LPP: variants seen among roughly 807,000 people sequenced by gnomAD.
LPP encodes lipoma-preferred partner.
In LPP, 38 loss-of-function variants were observed where a neutral mutation model predicts 60.4. The observed-to-expected ratio is 0.63, with a 90% confidence interval of 0.49 to 0.83. The LOEUF is 0.83. Ranked by LOEUF, LPP falls within the 40% of genes least tolerant of loss-of-function variation. The probability of loss-of-function intolerance (pLI) is 0.00; values close to 1 mark genes in which losing one functional copy is unlikely to be tolerated. For synonymous variants in LPP, 328 were observed against 290.8 expected, an observed-to-expected ratio of 1.13 and a Z score of -1.30; for missense variants, 902 against 783.6, an observed-to-expected ratio of 1.15 and a Z score of -1.80.
At chr3:188,828,912 G>A (rs115407064) in intron 9 of LPP, among the ~76,000 whole-genome samples, 16 of 152,110 alleles carry the variant, frequency 1.1e-4, no homozygotes, top group African/African-American at 3.1e-4. Flanking sequence ...ATATGTATGC[G>A]TTATGTATAT....
At chr3:188,835,128 G>A (rs1758080521) in intron 9 of LPP, among the ~76,000 whole-genome samples, 1 of 151,976 alleles carries the variant, frequency 6.6e-6, no homozygotes, top group African/African-American at 2.4e-5. Context: ...TCCAGTGTTA[G>A]ATAAAATAAT....
At chr3:188,690,648 G>A (rs1356318216) in intron 7 of LPP, among the ~76,000 whole-genome samples, 2 of 152,140 alleles carry the variant, frequency 1.3e-5, no homozygotes, top group East Asian at 3.9e-4. Context: ...CAAAATCCCT[G>A]TAGTCAGACC....
Position 188,169,434 on chromosome 3 carries a change from A to C in LPP, c.-190+15182A>C, listed in dbSNP as rs1305756265. ...GGACACAGACCAGTGTGAAAGCTGCAAAGTTCAGCTGTAGGAACATGAAGG... is the reference window on the plus strand; with the variant it reads ...GGACACAGACCAGTGTGAAAGCTGCCAAGTTCAGCTGTAGGAACATGAAGG... On this transcript the variant is annotated intron_variant, in intron 1 of 11. Transcript: ENST00000617246. Among the ~76,000 whole-genome samples, 3 of 152,212 alleles carry C rather than the reference A, an allele frequency of 2.0e-5. No individual in the cohort carries two copies. In the East Asian group the frequency reaches 5.8e-4, roughly 29 times the overall value.
intron 2 of LPP, among the ~76,000 whole-genome samples, chr3:188,241,116 C>T (rs750155218): frequency 3.3e-5 from 5 of 152,166 alleles, no homozygotes; most frequent in Non-Finnish European, 7.3e-5. Context: ...TAATGTTCCA[C>T]GTAGTGGCTG....
At chr3:188,597,058 C>G (rs370165262) in intron 6 of LPP, among the ~76,000 whole-genome samples, 1 of 152,080 alleles carries the variant, frequency 6.6e-6, no homozygotes, top group South Asian at 2.1e-4. Flanking sequence ...ATTATTAAGT[C>G]TGAGCATTCT....
intron 3 of LPP, among the ~76,000 whole-genome samples, chr3:188,343,222 G>A (rs1023490384): frequency 9.9e-5 from 15 of 151,976 alleles, no homozygotes; most frequent in African/African-American, 2.9e-4. Context: ...GTGTCCATGT[G>A]TTCTCGTTCA....
intron 3 of LPP, among the ~76,000 whole-genome samples, chr3:188,369,427 T>A (rs1256697130): frequency 6.6e-6 from 1 of 152,044 alleles, no homozygotes. Context: ...CCTGGGGAAA[T>A]CAAACAATCG....
At chr3:188,241,836 A>G (rs1253101584) in intron 2 of LPP, among the ~76,000 whole-genome samples, 1 of 152,180 alleles carries the variant, frequency 6.6e-6, no homozygotes, top group Non-Finnish European at 1.5e-5. Flanking sequence ...TCAAAGAGTA[A>G]TGGTGGGGAG....
intron 3 of LPP, among the ~76,000 whole-genome samples, chr3:188,345,769 G>C (rs867834402): frequency 6.6e-6 from 1 of 152,156 alleles, no homozygotes; most frequent in South Asian, 2.1e-4. Context: ...CAGGTCTGGA[G>C]AAGAGTGTAG....
At chr3:188,800,541 G>A (rs1328806799) in intron 9 of LPP, among the ~76,000 whole-genome samples, 7 of 151,984 alleles carry the variant, frequency 4.6e-5, no homozygotes, top group Non-Finnish European at 4.4e-5. Flanking sequence ...CACCACACCC[G>A]GCCAAAACTT....
At chr3:188,493,053 T>C (rs888283187) in intron 5 of LPP, among the ~76,000 whole-genome samples, 1 of 152,206 alleles carries the variant, frequency 6.6e-6, no homozygotes, top group Middle Eastern at 3.2e-3. Flanking sequence ...GATTCTTCTC[T>C]TTTTTGTTCT....
intron 3 of LPP, among the ~76,000 whole-genome samples, chr3:188,350,644 TTAGCAAAATCCTGGCACTAGAA>T (rs1379344388): frequency 1.2e-4 from 18 of 152,206 alleles, no homozygotes; most frequent in African/African-American, 3.6e-4. Flanking sequence ...GGTTATCCAC[TTAGCAAAATCCTGGCACTAGAA>T]TAGCAGCAAT....
chr3:188,632,839 C>A (rs1046877313), intron 7 of LPP, among the ~76,000 whole-genome samples: 4 of 152,182 alleles, frequency 2.6e-5, no homozygotes, highest in African/African-American at 9.7e-5. Context: ...TAGCCCTCAA[C>A]TCTACCCCAC....
chr3:188,709,379 CAG>C (rs1263256157), intron 8 of LPP: 6 of 152,078 alleles, frequency 3.9e-5, no homozygotes, highest in African/African-American at 1.4e-4. Context: ...ATTTTTGAGA[CAG>C]AGCCTTGCTC....
At chr3:188,159,826 C>T (rs1376521032) in intron 1 of LPP, among the ~76,000 whole-genome samples, 3 of 152,186 alleles carry the variant, frequency 2.0e-5, no homozygotes, top group Admixed American at 1.3e-4. Context: ...TGCAACTGCT[C>T]TTTCACTTTT....
chr3:188,578,240 T>C (rs1835224095), intron 6 of LPP, among the ~76,000 whole-genome samples: 1 of 152,128 alleles, frequency 6.6e-6, no homozygotes. Context: ...CTTCCTTCCT[T>C]TCATTCCCTT....
intron 6 of LPP, among the ~76,000 whole-genome samples, chr3:188,543,214 G>GA (rs777851965): frequency 1.3e-5 from 2 of 152,144 alleles, no homozygotes; most frequent in Non-Finnish European, 2.9e-5. Context: ...TGGATTGGGG[G>GA]ATTGAGGGGT....
chr3:188,728,581 C>T (rs1719257710), intron 8 of LPP, among the ~76,000 whole-genome samples: 1 of 152,108 alleles, frequency 6.6e-6, no homozygotes, highest in Non-Finnish European at 1.5e-5. Context: ...AGAAACAGCT[C>T]ATCAATATGG....
intron 1 of LPP, among the ~76,000 whole-genome samples, chr3:188,201,030 A>G (rs1027404860): frequency 6.6e-6 from 1 of 152,314 alleles, no homozygotes; most frequent in East Asian, 1.9e-4. Context: ...ATTTTTGACG[A>G]CAGCAGTTGA....
Sources: allele counts gnomAD v4.1 joint callset (sites outside exome capture counted in the v4.1 genomes callset), GRCh38; gene constraint gnomAD v4.1.1; transcripts MANE v1.5; gene names NCBI Gene and HGNC (gene_info 2026-07-23, HGNC 2026-07-21).